Variants in MGAT4C observed in about 807,000 individuals in gnomAD.
MGAT4C encodes the protein MGAT4 family member C, also known as alpha-1,3-mannosyl-glycoprotein 4-beta-N-acetylglucosaminyltransferase C.
MGAT4C carries 19 observed loss-of-function variants against 40.1 expected under a neutral mutation model. That is an observed-to-expected ratio of 0.47 (90% CI 0.33 to 0.70). The LOEUF (loss-of-function observed/expected upper bound fraction) is 0.70, where lower values mean the gene tolerates loss of function less well. Ranked by LOEUF, MGAT4C falls within the 30% of genes least tolerant of loss-of-function variation. MGAT4C has a pLI of 0.02. For missense variants in MGAT4C, 491 were observed against 563.2 expected (o/e 0.87, Z 1.30); for synonymous variants, 181 against 187.1 (o/e 0.97, Z 0.27).
intron 3 of MGAT4C, among the ~76,000 whole-genome samples, chr12:86,389,263 T>G (rs1956120605): frequency 6.6e-6 from 1 of 152,168 alleles, no homozygotes; most frequent in African/African-American, 2.4e-5. Flanking sequence ...TTGTCATCAT[T>G]TAGCTCACAC....
At chr12:86,755,094 A>C (rs1951280150) in intron 1 of MGAT4C, among the ~76,000 whole-genome samples, 2 of 152,160 alleles carry the variant, frequency 1.3e-5, no homozygotes, top group African/African-American at 4.8e-5. Flanking sequence ...TAAAACCTAC[A>C]ATCAGTTGAC....
At chr12:86,716,074 T>C (rs1950641039) in intron 2 of MGAT4C, among the ~76,000 whole-genome samples, 1 of 152,136 alleles carries the variant, frequency 6.6e-6, no homozygotes, top group African/African-American at 2.4e-5. Context: ...TATGTTGGTA[T>C]GTTGTATTTT....
chr12:86,732,642 A>G (rs1565953938), intron 1 of MGAT4C, among the ~76,000 whole-genome samples: 1 of 152,028 alleles, frequency 6.6e-6, no homozygotes, highest in Non-Finnish European at 1.5e-5. Flanking sequence ...GGTGGAGCTC[A>G]GGTGGTAATG....
chr12:86,302,067 C>CT (rs1456793877), intron 4 of MGAT4C, among the ~76,000 whole-genome samples: 1 of 150,828 alleles, frequency 6.6e-6, no homozygotes. Context: ...TTTAAATAAA[C>CT]TTTTTTTAAA....
chr12:86,772,021 G>A (rs1201690804), intron 1 of MGAT4C, among the ~76,000 whole-genome samples: 3 of 152,094 alleles, frequency 2.0e-5, no homozygotes, highest in Non-Finnish European at 4.4e-5. Flanking sequence ...TAAACAAAAA[G>A]GAAGCAGTAT....
At chr12:86,662,533 G>A (rs947548608) in intron 2 of MGAT4C, among the ~76,000 whole-genome samples, 1 of 152,120 alleles carries the variant, frequency 6.6e-6, no homozygotes, top group Non-Finnish European at 1.5e-5. Context: ...AAATAATTTT[G>A]TAATTACAAA....
intron 2 of MGAT4C, among the ~76,000 whole-genome samples, chr12:86,621,248 G>A (rs1335822539): frequency 6.6e-6 from 1 of 152,092 alleles, no homozygotes; most frequent in Non-Finnish European, 1.5e-5. Context: ...TCTGGAGAAA[G>A]TGCTATAACA....
At chr12:86,179,364 A>G (rs1887861972) in intron 1 of MGAT4C, among the ~76,000 whole-genome samples, 1 of 152,164 alleles carries the variant, frequency 6.6e-6, no homozygotes. Flanking sequence ...ACAAACTAAT[A>G]CAGTAAGTTG....
chr12:86,024,873 T>C (rs1223116532), intron 2 of MGAT4C, among the ~76,000 whole-genome samples: 1 of 151,682 alleles, frequency 6.6e-6, no homozygotes, highest in East Asian at 1.9e-4. Context: ...TTTATTCGAG[T>C]TATCACATTT....
At chr12:86,242,978 G>A (rs1951852534) in intron 1 of MGAT4C, among the ~76,000 whole-genome samples, 1 of 152,114 alleles carries the variant, frequency 6.6e-6, no homozygotes, top group South Asian at 2.1e-4. Context: ...GGCCCCAAGT[G>A]ATAAAATCTG....
Position 86,563,558 on chromosome 12 carries a change from G to A in MGAT4C, c.-228-128293C>T, listed in dbSNP as rs139774988. Among the ~76,000 whole-genome samples, 392 of 152,230 alleles carry A rather than the reference G, an allele frequency of 2.6e-3. 1 individual carries two copies. The highest frequency in any genetic ancestry group is 9.2e-3 in the African/African-American group (384 of 41,530). On this transcript the variant is annotated intron_variant, in intron 2 of 7. Transcript: ENST00000548651. ...ACAGGCCCAGAACCTTAAATAAAGG[G>A]GAGGCTGGGTCCCCTTGAGGAAGGA...
chr12:86,408,479 C>CTCTCTCTCTCTCTCTATATA (rs1267344319), intron 3 of MGAT4C, among the ~76,000 whole-genome samples: 5 of 63,342 alleles, frequency 7.9e-5, no homozygotes, highest in African/African-American at 3.9e-4. Context: ...CTCTCTCTCT[C>CTCTCTCTCTCTCTCTATATA]TATATATATA....
chr12:86,383,854 A>G (rs577000740), intron 3 of MGAT4C, among the ~76,000 whole-genome samples: 1 of 152,136 alleles, frequency 6.6e-6, no homozygotes, highest in Admixed American at 6.6e-5. Context: ...ACTGGTTTTG[A>G]AATGTGAGGA....
intron 4 of MGAT4C, among the ~76,000 whole-genome samples, chr12:86,280,795 T>C (rs749686636): frequency 6.6e-6 from 1 of 152,072 alleles, no homozygotes; most frequent in Non-Finnish European, 1.5e-5. Flanking sequence ...TTGCTGACTT[T>C]ATTATCATCA....
chr12:86,743,646 A>G (rs960189109), intron 1 of MGAT4C, among the ~76,000 whole-genome samples: 8 of 151,498 alleles, frequency 5.3e-5, no homozygotes, highest in Non-Finnish European at 1.0e-4. Flanking sequence ...CCTTAATTTT[A>G]CAGATTGTTA....
chr12:86,407,036 G>GC (rs988653935), intron 3 of MGAT4C, among the ~76,000 whole-genome samples: 1 of 152,028 alleles, frequency 6.6e-6, no homozygotes, highest in Non-Finnish European at 1.5e-5. Context: ...TACAAACTGG[G>GC]CTTCCCATGA....
At chr12:86,502,743 AATACACGAGTTCTGCTCATATATATGT>A (rs746119308) in intron 2 of MGAT4C, among the ~76,000 whole-genome samples, 12,322 of 62,588 alleles carry the variant, frequency 0.2, 5,294 homozygotes, top group Non-Finnish European at 0.25. Flanking sequence ...CTCATATATA[AATACACGAGTTCTGCTCATATATATGT>A]ATACACGAGT....
At chr12:86,264,554 G>A (rs961071132) in intron 4 of MGAT4C, among the ~76,000 whole-genome samples, 2 of 152,118 alleles carry the variant, frequency 1.3e-5, no homozygotes, top group African/African-American at 2.4e-5. Context: ...CGAGTTAGCT[G>A]GGCAGGAGCC....
At chr12:86,476,952 G>T (rs749253240) in intron 2 of MGAT4C, among the ~76,000 whole-genome samples, 2 of 152,004 alleles carry the variant, frequency 1.3e-5, no homozygotes, top group Non-Finnish European at 2.9e-5. Flanking sequence ...AGCGGGGCAT[G>T]GACTGAAAAA....
Sources: gnomAD v4.1 joint callset for allele counts (sites outside exome capture counted in the v4.1 genomes callset) on GRCh38, gnomAD v4.1.1 for gene constraint, MANE v1.5 for transcripts, NCBI Gene and HGNC (gene_info 2026-07-23, HGNC 2026-07-21) for gene names.